The following SPECC1L variants were observed in gnomAD, a reference collection of about 807,000 sequenced individuals.
SPECC1L encodes the protein sperm antigen with calponin homology and coiled-coil domains 1 like.
SPECC1L carries 40 observed loss-of-function variants against 116.8 expected under a neutral mutation model. The observed-to-expected ratio is 0.34, with a 90% CI of 0.27 to 0.45. The LOEUF is 0.45. SPECC1L is among the 20% of genes least tolerant of loss of function. The pLI is 1.00. For missense variants in SPECC1L, 1,110 were observed against 1,373.6 expected (o/e 0.81, Z 3.03); for synonymous variants, 504 against 500.6 (o/e 1.01, Z -0.09).
intron 8 of SPECC1L, 131 bp downstream of exon 8, chr22:24,330,562 C>T: frequency 1.0e-6 from 1 of 995,032 alleles, no homozygotes; most frequent in Non-Finnish European, 1.5e-6. Context: ...GGAAGTTACT[C>T]AGCTTTTCTG....
intron 3 of SPECC1L, among the ~76,000 whole-genome samples, chr22:24,310,674 T>G (rs1601532823): frequency 6.6e-6 from 1 of 152,124 alleles, no homozygotes; most frequent in Non-Finnish European, 1.5e-5. Context: ...TTTTTTTTGG[T>G]CTTTTTCCCC....
chr22:24,334,393 T>C lies in SPECC1L; in HGVS notation c.2397-17T>C, dbSNP rs1204772101. 1 of 1,613,538 alleles carries C rather than the reference T, an allele frequency of 6.2e-7. No homozygotes were observed. Among genetic ancestry groups the C allele is most frequent in the African/African-American group, 1.3e-5 (1 of 74,844 alleles). ...AGTACCTATGTAAAAATGCTCTGAT[T>C]TCAATATTATTTTCAGGCAAGAGGA... On this transcript the variant is annotated splice_polypyrimidine_tract_variant and intron_variant, in intron 8 of 16. Coordinates refer to ENST00000314328, the MANE Select transcript of SPECC1L (RefSeq NM_015330.6).
At chr22:24,313,780 G>A (rs1339728034) in intron 4 of SPECC1L, among the ~76,000 whole-genome samples, 1 of 141,906 alleles carries the variant, frequency 7.0e-6, no homozygotes, top group Non-Finnish European at 1.5e-5. Flanking sequence ...TCTTAGTCAC[G>A]CAGGCTGAAG....
In SPECC1L at chr22:24,365,410, A is replaced by G. The variant is rs557144300; in HGVS notation, c.2828-66A>G. 4.6e-6 allele frequency: 7 copies of G among 1,530,456 alleles called. No homozygotes were observed. In the African/African-American group the frequency reaches 8.2e-5, roughly 18 times the overall value. 94.8% of individuals were successfully genotyped at this position (1,530,456 alleles called of 1,614,324 possible). On this transcript the variant is annotated intron_variant, in intron 12 of 16. Transcript: ENST00000314328. ...TGTTGTTTTTGGAATCTTCAGAAAA[A>G]AAAAATCTCAAGAACTCAGTCTAAA... is the stretch of plus-strand genomic sequence containing the variant.
chr22:24,341,373 T>C (rs943885283), intron 10 of SPECC1L, among the ~76,000 whole-genome samples: 1 of 152,160 alleles, frequency 6.6e-6, no homozygotes, highest in Admixed American at 6.5e-5. Context: ...ACACTTCTGG[T>C]AGCTCACCTA....
chr22:24,385,189 G>A lies in SPECC1L; in HGVS notation c.3087+15869G>A, dbSNP rs545848579. On this transcript the variant is annotated intron_variant, in intron 14 of 16. Coordinates refer to ENST00000314328, the MANE Select transcript of SPECC1L (RefSeq NM_015330.6). ...AAATATATATTTTTTGACTTTTTCA[G>A]TGTGGCTATAATATTTAAAATCACA... is the stretch of plus-strand genomic sequence containing the variant. 3.3e-5 allele frequency among the ~76,000 whole-genome samples: 5 copies of A among 151,614 alleles called. No homozygotes were observed. The South Asian group carries it at 1.0e-3, about 32-fold the overall frequency.
chr22:24,369,676 C>T (rs2041837278), intron 14 of SPECC1L, among the ~76,000 whole-genome samples: 1 of 152,146 alleles, frequency 6.6e-6, no homozygotes, highest in Non-Finnish European at 1.5e-5. Flanking sequence ...GAGTCCTATA[C>T]AAAATGTTAG....
chr22:24,416,438 T>G lies in SPECC1L; in HGVS notation c.*1815T>G, dbSNP rs1182681470. 1 of 152,384 alleles carries G rather than the reference T, an allele frequency of 6.6e-6. No individual in the cohort carries two copies. The highest frequency in any genetic ancestry group is 1.9e-4 in the East Asian group (1 of 5,204). 9.4% of individuals were successfully genotyped at this position (152,384 alleles called of 1,614,324 possible). A position where few individuals can be genotyped will look rare whatever the true frequency, so the allele number is the denominator to read the frequency against. On this transcript the variant is annotated 3_prime_UTR_variant, in exon 17 of 17. Transcript: ENST00000314328. ...TGAGTTGTGTTTTTGTTGCTGTTCC[T>G]CTGTTGATGGCCAGCTCTGCTGTTG...
At chr22:24,399,746 T>G (rs1477707549) in intron 14 of SPECC1L, among the ~76,000 whole-genome samples, 1 of 152,204 alleles carries the variant, frequency 6.6e-6, no homozygotes, top group Non-Finnish European at 1.5e-5. Flanking sequence ...GAATCAGGGA[T>G]GGCTTCCCTT....
chr22:24,401,750 G>T (rs959596577), intron 14 of SPECC1L, among the ~76,000 whole-genome samples: 2 of 152,114 alleles, frequency 1.3e-5, no homozygotes, highest in African/African-American at 2.4e-5. Flanking sequence ...TTTTTCAAAT[G>T]GTGAGCCTTC....
rs1329979950 is a variant in SPECC1L, at chr22:24,313,409, C to T, written c.250C>T (p.Pro84Ser). Residue 84 changes from proline to serine, a missense_variant, in exon 4 of 17, where the codon CCT becomes TCT. Physicochemically the swap from Pro to Ser is moderately conservative, Grantham distance 74. Around this residue, in one of 4 missense-constraint regions of SPECC1L, gnomAD observed 437 missense variants for 482.6 expected, o/e 0.91. Coordinates refer to ENST00000314328, the MANE Select transcript of SPECC1L (RefSeq NM_015330.6). The part of the protein sequence containing the change: ...GKKSTCPSAA[P>S]SASAPAMTTV... Reference sequence around the variant, plus strand: ...GAAAAGCACCTGCCCATCTGCAGCACCTTCAGCATCTGCCCCTGCCATGAC... The same window carrying T: ...GAAAAGCACCTGCCCATCTGCAGCATCTTCAGCATCTGCCCCTGCCATGAC... The T allele has an allele frequency of 1.9e-6, 3 of 1,614,050 alleles. No individual in the cohort carries two copies. The highest frequency in any genetic ancestry group is 1.7e-6 in the Non-Finnish European group (2 of 1,180,036).
intron 14 of SPECC1L, among the ~76,000 whole-genome samples, chr22:24,386,902 C>T (rs2042170627): frequency 6.6e-6 from 1 of 152,090 alleles, no homozygotes; most frequent in African/African-American, 2.4e-5. Flanking sequence ...CTGCACCTGG[C>T]CCTCAGGATC....
intron 4 of SPECC1L, among the ~76,000 whole-genome samples, chr22:24,315,871 G>C (rs1453722725): frequency 6.6e-6 from 1 of 152,184 alleles, no homozygotes; most frequent in East Asian, 1.9e-4. Flanking sequence ...GCAGATGGCT[G>C]CCTTCTCTGT....
chr22:24,365,938 A>C (rs944374479), intron 13 of SPECC1L, among the ~76,000 whole-genome samples: 8 of 151,338 alleles, frequency 5.3e-5, no homozygotes, highest in Non-Finnish European at 1.0e-4. Flanking sequence ...TAGGGAAGGC[A>C]TCCCAGAAGG....
intron 14 of SPECC1L, among the ~76,000 whole-genome samples, chr22:24,383,053 T>A (rs2042090962): frequency 1.3e-5 from 2 of 152,122 alleles, no homozygotes; most frequent in South Asian, 4.1e-4. Context: ...GACAAAAAAA[T>A]TAGATTTCAA....
Position 24,414,631 on chromosome 22 carries a change from G to A in SPECC1L, c.*8G>A, listed in dbSNP as rs766932013. 14 of 1,613,156 alleles carry A rather than the reference G, an allele frequency of 8.7e-6. No individual in the cohort carries two copies. The South Asian group carries it at 1.1e-4, about 13-fold the overall frequency. On this transcript the variant is annotated 3_prime_UTR_variant, in exon 17 of 17. Transcript: ENST00000314328. The stretch of plus-strand genomic sequence containing the variant: ...AAGTACTTTGAGACCTGAGCATGCC[G>A]GGAGGAGCCGCCCCAATAGCGGGGG...
chr22:24,308,574 CT>C, intron 3 of SPECC1L, among the ~76,000 whole-genome samples: 1 of 152,354 alleles, frequency 6.6e-6, no homozygotes, highest in South Asian at 2.1e-4. Flanking sequence ...GGTTTCTCCA[CT>C]GTCAGGTTAC....
intron 1 of SPECC1L, among the ~76,000 whole-genome samples, 179 bp downstream of exon 1, chr22:24,271,162 C>G (rs1015973309): frequency 6.6e-6 from 1 of 152,378 alleles, no homozygotes; most frequent in East Asian, 1.9e-4. Context: ...CTTCCCGCGC[C>G]GTCCTCGTTC....
At chr22:24,356,092 A>G (rs190620142) in intron 11 of SPECC1L, among the ~76,000 whole-genome samples, 1 of 151,762 alleles carries the variant, frequency 6.6e-6, no homozygotes, top group Non-Finnish European at 1.5e-5. Flanking sequence ...TACAGCATAC[A>G]GCTTTTTTTT....
Sources: allele counts gnomAD v4.1 joint callset (sites outside exome capture counted in the v4.1 genomes callset), GRCh38; gene constraint gnomAD v4.1.1; regional missense constraint gnomAD v4.1.1; transcripts MANE v1.5; gene names NCBI Gene and HGNC (gene_info 2026-07-23, HGNC 2026-07-21).